Variants in APC observed in about 807,000 individuals in gnomAD.
The protein encoded by APC is adenomatous polyposis coli protein.
APC carries 72 observed loss-of-function variants against 247.0 expected under a neutral mutation model. The ratio of observed to expected loss-of-function variants is 0.29; its 90% CI spans 0.24 to 0.35. The LOEUF is 0.35. APC is among the 10% of genes least tolerant of loss of function. The pLI is 1.00. For synonymous variants in APC, 1,254 were observed against 1,162.5 expected, an observed-to-expected ratio of 1.08 and a Z score of -1.60; for missense variants, 3,400 against 3,360.7, an observed-to-expected ratio of 1.01 and a Z score of -0.29.
chr5:112,728,958 C>T (rs763146715), intron 1 of APC, among the ~76,000 whole-genome samples: 1 of 152,088 alleles, frequency 6.6e-6, no homozygotes, highest in Non-Finnish European at 1.5e-5. Context: ...AAATCTCTGC[C>T]CTGAAAAATT....
In APC at chr5:112,842,401, T is replaced by G. The variant is rs946677660; in HGVS notation, c.6807T>G (p.Thr2269=). The G allele has an allele frequency of 1.2e-6, 2 of 1,614,072 alleles. No individual in the cohort carries two copies. The highest frequency in any genetic ancestry group is 1.7e-6 in the Non-Finnish European group (2 of 1,179,946). ...CTAGTGAAGGTCAAACAGCCACCAC[T>G]TCTCCTAGAGGAGCCAAGCCATCTG... is the stretch of plus-strand genomic sequence containing the variant. ...KSPSEGQTAT[T]SPRGAKPSVK... is the part of the protein sequence containing the mutation. Residue 2269 remains threonine (T), a synonymous_variant, in exon 16 of 16, where the codon ACT becomes ACG. Transcript: ENST00000257430.
In APC at chr5:112,838,117, A is replaced by G. The variant is rs1554084238; in HGVS notation, c.2523A>G (p.Leu841=). 1 of 1,614,224 alleles carries G rather than the reference A, an allele frequency of 6.2e-7. No homozygotes were observed. Among genetic ancestry groups the G allele is most frequent in the Non-Finnish European group, 8.5e-7 (1 of 1,180,042 alleles). The part of the protein sequence containing the change: ...LPSSSSSRGS[L]DSSRSEKDRS... ...GCTCCTCTTCATCAAGAGGAAGCTT[A>G]GATAGTTCTCGTTCTGAAAAAGATA... The change falls in exon 16 of 16, where the codon TTA becomes TTG. Residue 841 remains leucine, a synonymous_variant. Coordinates refer to ENST00000257430, the MANE Select transcript of APC (RefSeq NM_000038.6).
At chr5:112,772,982 A>G (rs1408707658) in intron 4 of APC, among the ~76,000 whole-genome samples, 1 of 152,152 alleles carries the variant, frequency 6.6e-6, no homozygotes, top group Non-Finnish European at 1.5e-5. Flanking sequence ...GAGTTGTGGT[A>G]CCCAGCTGTG....
intron 10 of APC, among the ~76,000 whole-genome samples, chr5:112,821,607 T>G (rs1198955615): frequency 6.6e-6 from 1 of 152,200 alleles, no homozygotes; most frequent in Admixed American, 6.5e-5. Flanking sequence ...AACATAATTT[T>G]AAGTTATTAG....
At chr5:112,714,628 A>G (rs1490501315) in intron 1 of APC, among the ~76,000 whole-genome samples, 1 of 152,226 alleles carries the variant, frequency 6.6e-6, no homozygotes, top group Non-Finnish European at 1.5e-5. Flanking sequence ...CAGACTTCAT[A>G]TCCTCATTTC....
chr5:112,763,028 T>C (rs1755839179), intron 2 of APC, among the ~76,000 whole-genome samples: 1 of 152,232 alleles, frequency 6.6e-6, no homozygotes, highest in African/African-American at 2.4e-5. Context: ...TAACACATCA[T>C]TGGAGTAAGT....
At chr5:112,784,657 C>T (rs1316012265) in intron 6 of APC, among the ~76,000 whole-genome samples, 1 of 151,984 alleles carries the variant, frequency 6.6e-6, no homozygotes, top group East Asian at 1.9e-4. Context: ...GGTGATTCAG[C>T]AAGTGAAACA....
intron 1 of APC, among the ~76,000 whole-genome samples, chr5:112,709,365 A>G (rs1470420972): frequency 2.0e-5 from 3 of 152,202 alleles, no homozygotes; most frequent in African/African-American, 7.2e-5. Flanking sequence ...TCAGCTTAAA[A>G]GAAGGAGGAA....
chr5:112,750,856 T>C (rs1754280976), intron 1 of APC, among the ~76,000 whole-genome samples: 1 of 152,180 alleles, frequency 6.6e-6, no homozygotes, highest in Non-Finnish European at 1.5e-5. Flanking sequence ...TTCAAACATT[T>C]AAATCTCTGT....
chr5:112,749,777 G>T (rs766798735), intron 1 of APC, among the ~76,000 whole-genome samples: 1 of 150,812 alleles, frequency 6.6e-6, no homozygotes, highest in African/African-American at 2.4e-5. Flanking sequence ...GAGCCACCAC[G>T]CCTGGTCCAA....
At position 112,770,163 on chromosome 5, in the gene APC, C is replaced by T. The variant is rs548786690; in HGVS notation, c.422+2773C>T. On this transcript the variant is annotated intron_variant, in intron 4 of 15. Coordinates refer to ENST00000257430, the MANE Select transcript of APC (RefSeq NM_000038.6). ...AGTTTTACTGCAAATACTAGTAAAC[C>T]TAACAAATACAGCTGTAAGTGGTAA... 1.4e-4 allele frequency among the ~76,000 whole-genome samples: 21 copies of T among 152,220 alleles called. No individual in the cohort carries two copies. The highest frequency in any genetic ancestry group is 3.3e-4 in the Admixed American group (5 of 15,288).
rs1292898950 is a variant in APC, at chr5:112,841,603, A to G, written c.6009A>G (p.Gln2003=). The G allele has an allele frequency of 6.2e-7, 1 of 1,613,606 alleles. No individual in the cohort carries two copies. Among genetic ancestry groups the G allele is most frequent in the Non-Finnish European group, 8.5e-7 (1 of 1,179,510 alleles). ...PDSQGEPSKP[Q]ASGYAPKSFH... ...CACAGGGAGAACCAAGTAAACCTCA[A>G]GCATCAGGCTATGCTCCTAAATCAT... The change falls in exon 16 of 16, where the codon CAA becomes CAG. Residue 2003 remains glutamine, a synonymous_variant. Transcript: ENST00000257430. The surrounding 1 kb of genome is among the most constrained non-coding windows in gnomAD (Gnocchi z 4.6).
At chr5:112,724,677 T>C (rs1300180202) in intron 1 of APC, among the ~76,000 whole-genome samples, 1 of 152,120 alleles carries the variant, frequency 6.6e-6, no homozygotes, top group Non-Finnish European at 1.5e-5. Context: ...GTCATCTAAA[T>C]TGGGTCCTGT....
In APC at chr5:112,829,080, A is replaced by G. The variant is rs1004921598; in HGVS notation, c.1743+108A>G. 5.5e-5 allele frequency: 42 copies of G among 770,388 alleles called. No individual in the cohort carries two copies. The African/African-American group carries it at 7.2e-4, about 13-fold the overall frequency. 47.7% of individuals were successfully genotyped at this position (770,388 alleles called of 1,614,324 possible). A position where few individuals can be genotyped will look rare whatever the true frequency, so the allele number is the denominator to read the frequency against. On this transcript the variant is annotated intron_variant, in intron 14 of 15. Coordinates refer to ENST00000257430, the MANE Select transcript of APC (RefSeq NM_000038.6). Reference sequence around the variant, plus strand: ...CTAATTTCTTACCTGTGTATTATTCAGTACTATAATATGAATTTCATGTTT... The same window carrying G: ...CTAATTTCTTACCTGTGTATTATTCGGTACTATAATATGAATTTCATGTTT...
chr5:112,764,936 T>C (rs1756104323), intron 2 of APC, among the ~76,000 whole-genome samples: 1 of 152,332 alleles, frequency 6.6e-6, no homozygotes, highest in African/African-American at 2.4e-5. Flanking sequence ...AAATTTGTTT[T>C]CTATTCCACA....
chr5:112,731,584 GAC>G (rs1752102241), intron 1 of APC, among the ~76,000 whole-genome samples: 1 of 152,144 alleles, frequency 6.6e-6, no homozygotes, highest in Non-Finnish European at 1.5e-5. Context: ...TTAAATTTCC[GAC>G]ACAGGCTTTT....
In APC at chr5:112,838,845, A is replaced by T. The variant is rs201904856; in HGVS notation, c.3251A>T (p.Asp1084Val). Residue 1084 changes from aspartate (D) to valine (V), a missense_variant, in exon 16 of 16, where the codon GAT becomes GTT. Transcript: ENST00000257430. ...TYPVYTESTD[D>V]KHLKFQPHFG... ...CCTGTTTATACTGAGAGCACTGATG[A>T]TAAACACCTCAAGTTCCAACCACAT... The T allele has an allele frequency of 3.7e-6, 6 of 1,614,202 alleles. No individual in the cohort carries two copies. The South Asian group carries it at 6.6e-5, about 18-fold the overall frequency.
At chr5:112,787,864 A>G (rs774766266) in intron 6 of APC, among the ~76,000 whole-genome samples, 2 of 152,098 alleles carry the variant, frequency 1.3e-5, no homozygotes, top group Non-Finnish European at 2.9e-5. Context: ...TCCTTAATTC[A>G]TCTTGAGTTT....
At chr5:112,731,894 TG>T (rs1415110631) in intron 1 of APC, among the ~76,000 whole-genome samples, 1 of 152,166 alleles carries the variant, frequency 6.6e-6, no homozygotes, top group Non-Finnish European at 1.5e-5. Context: ...CCCGAGTATC[TG>T]GGACTACAGG....
Sources: gnomAD v4.1 joint callset for allele counts (sites outside exome capture counted in the v4.1 genomes callset) on GRCh38, gnomAD v4.1.1 for gene constraint, Gnocchi (gnomAD v3.1) non-coding constraint, MANE v1.5 for transcripts, NCBI Gene and HGNC (gene_info 2026-07-23, HGNC 2026-07-21) for gene names.